Variants in LAMA3 observed in about 807,000 individuals in gnomAD.
LAMA3 encodes laminin subunit alpha-3.
LAMA3 carries 281 observed loss-of-function variants against 402.0 expected under a neutral mutation model. The observed-to-expected ratio is 0.70, with a 90% confidence interval of 0.63 to 0.77. The LOEUF (loss-of-function observed/expected upper bound fraction) is 0.77. Among genes scored for constraint, LAMA3 ranks in the 30% least tolerant of loss-of-function variants. The pLI, the probability that LAMA3 is intolerant of heterozygous loss-of-function variation, is 0.00. For synonymous variants in LAMA3, 1,431 were observed against 1,558.4 expected, an observed-to-expected ratio of 0.92 and a Z score of 1.93; for missense variants, 3,840 against 4,215.5, an observed-to-expected ratio of 0.91 and a Z score of 2.47.
chr18:23,954,908 A>G lies in LAMA3; in HGVS notation c.*260A>G, dbSNP rs2083059709. ...TTATGCACAGAATGTTTTTGGTAAT[A>G]TTAATTTCCACTAAAAAATTAAATG... On this transcript the variant is annotated 3_prime_UTR_variant, in exon 75 of 75. Coordinates refer to ENST00000313654, the MANE Select transcript of LAMA3 (RefSeq NM_198129.4). 4.5e-6 allele frequency: 2 copies of G among 440,442 alleles called. No homozygotes were observed. Among genetic ancestry groups the G allele is most frequent in the South Asian group, 2.9e-5 (1 of 34,438 alleles). The allele number at this position is 440,442 out of a possible 1,614,324, so 27.3% of individuals were successfully genotyped here. A position where few individuals can be genotyped will look rare whatever the true frequency, so the allele number is the denominator to read the frequency against.
At chr18:23,788,614 A>G (rs2062591860) in intron 12 of LAMA3, among the ~76,000 whole-genome samples, 1 of 152,060 alleles carries the variant, frequency 6.6e-6, no homozygotes, top group Non-Finnish European at 1.5e-5. Context: ...AACAAAAATT[A>G]GTACAAAATG....
intron 12 of LAMA3, among the ~76,000 whole-genome samples, chr18:23,789,947 G>A (rs200739270): frequency 1.3e-5 from 2 of 152,084 alleles, no homozygotes; most frequent in South Asian, 2.1e-4. Flanking sequence ...TAAATTTGAC[G>A]CTCATCTCTC....
intron 7 of LAMA3, among the ~76,000 whole-genome samples, chr18:23,761,085 C>T (rs1460355210): frequency 3.3e-5 from 5 of 152,060 alleles, no homozygotes; most frequent in Non-Finnish European, 7.3e-5. Flanking sequence ...ACTTTAAATA[C>T]TCAAGATTAT....
intron 58 of LAMA3, 68 bp downstream of exon 58, chr18:23,914,928 G>T: frequency 8.1e-7 from 1 of 1,235,834 alleles, no homozygotes; most frequent in South Asian, 1.3e-5. Context: ...ATGACCTCAT[G>T]TCTCTAATTG....
At chr18:23,815,331 A>G in intron 16 of LAMA3, 91 bp downstream of exon 16, 1 of 1,372,392 alleles carries the variant, frequency 7.3e-7, no homozygotes, top group South Asian at 1.2e-5. Flanking sequence ...TACTTCTGTC[A>G]TTCTACAGTG....
At chr18:23,880,844 T>C (rs1163919280) in intron 39 of LAMA3, among the ~76,000 whole-genome samples, 2 of 152,088 alleles carry the variant, frequency 1.3e-5, no homozygotes, top group Non-Finnish European at 2.9e-5. Flanking sequence ...GCCATTGCAC[T>C]CCAGCCCGGG....
At chr18:23,820,939 A>T (rs1186536187) in intron 19 of LAMA3, among the ~76,000 whole-genome samples, 1 of 152,140 alleles carries the variant, frequency 6.6e-6, no homozygotes, top group East Asian at 1.9e-4. Context: ...GCCTTTCTGA[A>T]ATGGTACCTA....
At chr18:23,885,719 A>G (rs2065052527) in intron 41 of LAMA3, among the ~76,000 whole-genome samples, 1 of 152,212 alleles carries the variant, frequency 6.6e-6, no homozygotes, top group Non-Finnish European at 1.5e-5. Flanking sequence ...TTTAAAATTT[A>G]AAATAACTTT....
intron 41 of LAMA3, among the ~76,000 whole-genome samples, chr18:23,887,927 G>T (rs1350176978): frequency 1.3e-5 from 2 of 152,234 alleles, no homozygotes; most frequent in Non-Finnish European, 2.9e-5. Flanking sequence ...TTGAGAATAA[G>T]AGAACCAGTT....
At chr18:23,887,057 A>G (rs2065095651) in intron 41 of LAMA3, among the ~76,000 whole-genome samples, 1 of 152,234 alleles carries the variant, frequency 6.6e-6, no homozygotes, top group Non-Finnish European at 1.5e-5. Flanking sequence ...AGCATTTCTC[A>G]CACTTGCCTT....
At chr18:23,703,210 G>C (rs999121846) in intron 1 of LAMA3, among the ~76,000 whole-genome samples, 1 of 152,158 alleles carries the variant, frequency 6.6e-6, no homozygotes, top group Admixed American at 6.5e-5. Flanking sequence ...GTCCAGAAGC[G>C]TCTGCATTTC....
chr18:23,875,587 G>A (rs1370932066), intron 38 of LAMA3, among the ~76,000 whole-genome samples: 1 of 152,062 alleles, frequency 6.6e-6, no homozygotes, highest in African/African-American at 2.4e-5. Flanking sequence ...GGCCTAGTGA[G>A]TGGCAATAAA....
At chr18:23,706,409 C>T (rs191759010) in intron 1 of LAMA3, among the ~76,000 whole-genome samples, 174 of 152,186 alleles carry the variant, frequency 1.1e-3, no homozygotes, top group Non-Finnish European at 2.0e-3. Flanking sequence ...AAACAGTTTC[C>T]AAAGTTTTTG....
chr18:23,691,072 C>T (rs1415040995), intron 1 of LAMA3, among the ~76,000 whole-genome samples: 1 of 151,948 alleles, frequency 6.6e-6, no homozygotes, highest in Non-Finnish European at 1.5e-5. Context: ...AAATTGCCTC[C>T]TTCTTCTGCA....
At position 23,954,654 on chromosome 18, in the gene LAMA3, G is replaced by C; in HGVS notation, c.*6G>C. ...ATGGTTGTCCTGACCAGTAACCCAA[G>C]CCTATTTCACAGCAAGGAAATTCAC... On this transcript the variant is annotated 3_prime_UTR_variant, in exon 75 of 75. Coordinates refer to ENST00000313654, the MANE Select transcript of LAMA3 (RefSeq NM_198129.4). 2 of 1,613,972 alleles carry C rather than the reference G, an allele frequency of 1.2e-6. No individual in the cohort carries two copies. The highest frequency in any genetic ancestry group is 1.7e-6 in the Non-Finnish European group (2 of 1,179,978).
At chr18:23,908,065 T>G (rs947833282) in intron 54 of LAMA3, 130 bp downstream of exon 54, 8 of 850,040 alleles carry the variant, frequency 9.4e-6, no homozygotes, top group Non-Finnish European at 1.6e-5. Flanking sequence ...CTCCACCTGA[T>G]ACAGGATATA....
intron 67 of LAMA3, among the ~76,000 whole-genome samples, chr18:23,937,477 T>C (rs561299102): frequency 2.8e-5 from 4 of 144,888 alleles, no homozygotes; most frequent in African/African-American, 1.1e-4. Flanking sequence ...AGAAGAAGAG[T>C]AGGACATGAG....
chr18:23,822,111 CTGAG>C (rs1403018755), intron 19 of LAMA3, 137 bp from the exon 20 acceptor site: 52 of 829,646 alleles, frequency 6.3e-5, no homozygotes, highest in Admixed American at 2.9e-4. Flanking sequence ...TGCTCGTTGA[CTGAG>C]TGTGAGTGTG....
At chr18:23,876,728 C>T (rs1209677942) in intron 39 of LAMA3, among the ~76,000 whole-genome samples, 3 of 152,200 alleles carry the variant, frequency 2.0e-5, no homozygotes, top group Non-Finnish European at 2.9e-5. Flanking sequence ...ATCCAAGCCA[C>T]TACTTTGGGT....
Sources: allele counts gnomAD v4.1 joint callset (sites outside exome capture counted in the v4.1 genomes callset), GRCh38; gene constraint gnomAD v4.1.1; transcripts MANE v1.5; gene names NCBI Gene and HGNC (gene_info 2026-07-23, HGNC 2026-07-21).